The following CNGA1 variants were observed in gnomAD, a reference collection of about 807,000 sequenced individuals.
The protein encoded by CNGA1 is cyclic nucleotide-gated channel alpha-1.
CNGA1 carries 53 observed loss-of-function variants against 69.7 expected under a neutral mutation model. The ratio of observed to expected loss-of-function variants is 0.76; its 90% CI spans 0.61 to 0.96. CNGA1 has a LOEUF of 0.96. Among genes scored for constraint, CNGA1 ranks in the 40% least tolerant of loss-of-function variants. The pLI, the probability that CNGA1 is intolerant of heterozygous loss-of-function variation, is 0.00. For synonymous variants in CNGA1, 249 were observed against 283.5 expected (o/e 0.88, Z 1.22); for missense variants, 739 against 811.2 (o/e 0.91, Z 1.08).
intron 1 of CNGA1, among the ~76,000 whole-genome samples, chr4:48,015,845 G>A (rs1715353581): frequency 1.3e-5 from 2 of 152,102 alleles, no homozygotes; most frequent in Non-Finnish European, 2.9e-5. Flanking sequence ...AGAGCCACTC[G>A]CCTCAACCTC....
At chr4:47,976,755 G>C (rs530513396) in intron 3 of CNGA1, among the ~76,000 whole-genome samples, 2 of 152,246 alleles carry the variant, frequency 1.3e-5, no homozygotes, top group Non-Finnish European at 2.9e-5. Context: ...CTCAACATTT[G>C]TTGAGCGCTC....
At chr4:47,970,570 T>C (rs1242868311) in intron 3 of CNGA1, among the ~76,000 whole-genome samples, 1 of 151,814 alleles carries the variant, frequency 6.6e-6, no homozygotes, top group African/African-American at 2.4e-5. Flanking sequence ...GAGAACCACT[T>C]GAACCAGGGA....
Position 47,936,514 on chromosome 4 carries a change from G to A in CNGA1, c.1968C>T (p.Thr656=), listed in dbSNP as rs1267362552. The A allele has an allele frequency of 6.2e-7, 1 of 1,614,090 alleles. No individual in the cohort carries two copies. The highest frequency in any genetic ancestry group is 2.2e-5 in the East Asian group (1 of 44,874). The change falls in exon 11 of 11, where the codon ACC becomes ACT. Residue 656 remains threonine, a synonymous_variant. Coordinates refer to ENST00000514170, the MANE Select transcript of CNGA1 (RefSeq NM_001379270.1). The part of the protein sequence containing the change: ...SMQQKLKQRL[T]KVEKFLKPLI... ...GCGGTTTCAGAAATTTCTCAACCTT[G>A]GTTAATCTTTGTTTCAGTTTCTGCT...
chr4:47,989,690 TG>T (rs1457491195), intron 2 of CNGA1, among the ~76,000 whole-genome samples: 9 of 149,312 alleles, frequency 6.0e-5, no homozygotes, highest in Admixed American at 4.6e-4. Flanking sequence ...TGGTGGTGTT[TG>T]GTTACATGAG....
intron 3 of CNGA1, among the ~76,000 whole-genome samples, chr4:47,970,102 A>T (rs191915343): frequency 6.6e-6 from 1 of 152,188 alleles, no homozygotes; most frequent in Non-Finnish European, 1.5e-5. Flanking sequence ...AGATGTTAGT[A>T]TAGGGAAACC....
At chr4:47,939,929 T>G (rs1369675084) in intron 10 of CNGA1, among the ~76,000 whole-genome samples, 1 of 152,214 alleles carries the variant, frequency 6.6e-6, no homozygotes, top group African/African-American at 2.4e-5. Context: ...TGCTGTCTAT[T>G]TTGCATATTC....
chr4:47,993,085 C>T (rs1018287797), intron 2 of CNGA1, among the ~76,000 whole-genome samples: 6 of 152,022 alleles, frequency 3.9e-5, no homozygotes, highest in African/African-American at 4.8e-5. Flanking sequence ...TTGTTGGATT[C>T]GGTTAGCTAG....
At chr4:47,966,097 C>T (rs1740710519) in intron 3 of CNGA1, among the ~76,000 whole-genome samples, 2 of 152,104 alleles carry the variant, frequency 1.3e-5, no homozygotes, top group African/African-American at 4.8e-5. Flanking sequence ...TAACAAAGTA[C>T]ACAAAAATAT....
At chr4:47,961,425 T>C (rs1378763439) in intron 3 of CNGA1, among the ~76,000 whole-genome samples, 1 of 152,178 alleles carries the variant, frequency 6.6e-6, no homozygotes, top group Admixed American at 6.5e-5. Context: ...TAGTCAGAGC[T>C]GAGAACCAAT....
In CNGA1 at chr4:47,942,030, AT is replaced by A. The variant is rs1739110080; in HGVS notation, c.545+10del. On this transcript the variant is annotated intron_variant, in intron 9 of 10. Coordinates refer to ENST00000514170, the MANE Select transcript of CNGA1 (RefSeq NM_001379270.1). ...AGATCCACAAAAAAAAAAAAAAAAA[AT>A]TATAGACACCTGGCAATAACCATTG... 8 of 1,464,584 alleles carry A rather than the reference AT, an allele frequency of 5.5e-6. No homozygotes were observed. The highest frequency in any genetic ancestry group is 2.3e-5 in the South Asian group (2 of 85,124). 90.7% of individuals were successfully genotyped at this position (1,464,584 alleles called of 1,614,324 possible).
rs560688655 is a variant in CNGA1, at chr4:48,003,716, G to C, written c.-123+7078C>G. ...GAGCTGAGGAGACATTGGGAGAAGTGACCAGAAGACAAGAGTGTGAACCTT... is the reference window on the plus strand; with the variant it reads ...GAGCTGAGGAGACATTGGGAGAAGTCACCAGAAGACAAGAGTGTGAACCTT... On this transcript the variant is annotated intron_variant, in intron 2 of 10. Transcript: ENST00000514170. Among the ~76,000 whole-genome samples the C allele has an allele frequency of 9.2e-5, 14 of 152,282 alleles. No homozygotes were observed. In the East Asian group the frequency reaches 2.7e-3, roughly 29 times the overall value.
chr4:48,012,963 A>C (rs576294576), intron 1 of CNGA1: 5 of 152,280 alleles, frequency 3.3e-5, no homozygotes, highest in African/African-American at 9.6e-5. Context: ...AACAAAAAAA[A>C]AAACACTCCT....
chr4:48,013,186 A>C (rs890399177), intron 1 of CNGA1, among the ~76,000 whole-genome samples: 2 of 152,336 alleles, frequency 1.3e-5, no homozygotes, highest in South Asian at 4.1e-4. Flanking sequence ...AAATTAGCTC[A>C]TGCTGGTACC....
At chr4:47,945,006 T>C (rs1739307513) in intron 6 of CNGA1, among the ~76,000 whole-genome samples, 1 of 152,082 alleles carries the variant, frequency 6.6e-6, no homozygotes, top group South Asian at 2.1e-4. Flanking sequence ...ATTTAATGTA[T>C]ACAACCAAAA....
At position 47,936,078 on chromosome 4, in the gene CNGA1, A is replaced by G. The variant is rs1738620313; in HGVS notation, c.*343T>C. The G allele has an allele frequency of 3.1e-6, 1 of 320,938 alleles. No homozygotes were observed. The highest frequency in any genetic ancestry group is 5.8e-6 in the Non-Finnish European group (1 of 172,406). 19.9% of individuals were successfully genotyped at this position (320,938 alleles called of 1,614,324 possible). A position where few individuals can be genotyped will look rare whatever the true frequency, so the allele number is the denominator to read the frequency against. On this transcript the variant is annotated 3_prime_UTR_variant, in exon 11 of 11. Transcript: ENST00000514170. ...CAGTTACTTCAAATACGCTTCACTC[A>G]ACAATGGAAATGGCATGAAAGTGAG...
In CNGA1 at chr4:47,962,962, A is replaced by AT. The variant is rs35562218; in HGVS notation, c.-14-10260dup. Among the ~76,000 whole-genome samples, 556 of 145,136 alleles carry AT rather than the reference A, an allele frequency of 3.8e-3. 2 individuals are homozygous for AT. Among genetic ancestry groups the AT allele is most frequent in the African/African-American group, 9.8e-3 (377 of 38,492 alleles). ...GATATGTTTAAAACATAATAGCTGA[A>AT]TTTTTTTTTTTTTGACACAGGGTCT... On this transcript the variant is annotated intron_variant, in intron 3 of 10. Coordinates refer to ENST00000514170, the MANE Select transcript of CNGA1 (RefSeq NM_001379270.1).
chr4:47,986,271 A>G (rs1417247151), intron 2 of CNGA1, among the ~76,000 whole-genome samples: 2 of 152,052 alleles, frequency 1.3e-5, no homozygotes, highest in African/African-American at 4.8e-5. Context: ...GCAAGGCATG[A>G]TGGTGCATGC....
At chr4:47,968,171 T>G (rs1016343747) in intron 3 of CNGA1, among the ~76,000 whole-genome samples, 32 of 152,324 alleles carry the variant, frequency 2.1e-4, no homozygotes, top group Admixed American at 1.2e-3. Context: ...GTATTTGGCA[T>G]CTACAAGGGG....
intron 3 of CNGA1, among the ~76,000 whole-genome samples, chr4:47,980,882 C>T (rs1322737496): frequency 4.6e-5 from 2 of 43,114 alleles, no homozygotes; most frequent in Admixed American, 2.6e-4. Context: ...TATCCTCGGG[C>T]GAGGCACTTA....
Sources: gnomAD v4.1 joint callset for allele counts (sites outside exome capture counted in the v4.1 genomes callset) on GRCh38, gnomAD v4.1.1 for gene constraint, MANE v1.5 for transcripts, NCBI Gene and HGNC (gene_info 2026-07-23, HGNC 2026-07-21) for gene names.